Variants in LANCL2 observed in about 807,000 individuals in gnomAD.
The protein encoded by LANCL2 is LanC like glutathione S-transferase 2, also known as lanC-like protein 2.
Under a neutral mutation model 56.9 loss-of-function variants are expected in LANCL2, and 33 were observed. That is an observed-to-expected ratio of 0.58 (90% CI 0.44 to 0.78). The LOEUF is 0.78. Ranked by LOEUF, LANCL2 falls within the 30% of genes least tolerant of loss-of-function variation. The probability of loss-of-function intolerance (pLI) is 0.00; values close to 1 mark genes in which losing one functional copy is unlikely to be tolerated. For missense variants in LANCL2, 562 were observed against 580.2 expected (o/e 0.97, Z 0.32); for synonymous variants, 233 against 228.2 (o/e 1.02, Z -0.19).
intron 1 of LANCL2, among the ~76,000 whole-genome samples, chr7:55,371,413 A>G (rs190029905): frequency 2.0e-3 from 301 of 152,288 alleles, no homozygotes; most frequent in African/African-American, 6.8e-3. Flanking sequence ...TTGTAGAGAC[A>G]GGGTTTTACC....
chr7:55,392,765 C>CT (rs937665632), intron 2 of LANCL2, among the ~76,000 whole-genome samples: 8 of 151,712 alleles, frequency 5.3e-5, no homozygotes, highest in Non-Finnish European at 1.0e-4. Context: ...TCTAGTGTGT[C>CT]TTTTTTTTAT....
intron 1 of LANCL2, among the ~76,000 whole-genome samples, chr7:55,387,909 T>TAAAAC (rs1583748013): frequency 1.3e-5 from 2 of 152,290 alleles, no homozygotes; most frequent in South Asian, 4.1e-4. Flanking sequence ...TTTCCTTTTC[T>TAAAAC]TCTTTAACTT....
At chr7:55,411,874 A>G in intron 5 of LANCL2, 33 bp from the exon 6 acceptor site, 1 of 1,584,700 alleles carries the variant, frequency 6.3e-7, no homozygotes, top group Non-Finnish European at 8.6e-7. Flanking sequence ...CTTCAGAGAA[A>G]ATAATTTGTG....
rs12538676 is a variant in LANCL2, at chr7:55,387,038, T to C, written c.205-4755T>C. On this transcript the variant is annotated intron_variant, in intron 1 of 8. Coordinates refer to ENST00000254770, the MANE Select transcript of LANCL2 (RefSeq NM_018697.4). Reference sequence around the variant, plus strand: ...ACTGATGAACTCTAGAAGATAAAAGTTTGGGTTTTTTTTAAAGCCAGTTAC... The same window carrying C: ...ACTGATGAACTCTAGAAGATAAAAGCTTGGGTTTTTTTTAAAGCCAGTTAC... 3.3e-5 allele frequency among the ~76,000 whole-genome samples: 5 copies of C among 152,136 alleles called. 1 individual carries two copies. Among genetic ancestry groups the C allele is most frequent in the Admixed American group, 3.3e-4 (5 of 15,268 alleles).
At chr7:55,398,244 C>G (rs148801369) in intron 2 of LANCL2, among the ~76,000 whole-genome samples, 179 bp from the exon 3 acceptor site, 61 of 152,096 alleles carry the variant, frequency 4.0e-4, no homozygotes, top group African/African-American at 1.4e-3. Context: ...ATTTCTCTGT[C>G]TTGGTTTTAT....
At chr7:55,405,315 A>T (rs1442912854) in intron 5 of LANCL2, among the ~76,000 whole-genome samples, 1 of 152,076 alleles carries the variant, frequency 6.6e-6, no homozygotes, top group Non-Finnish European at 1.5e-5. Flanking sequence ...GATGAGGTGC[A>T]CCCACTTTGG....
At position 55,431,340 on chromosome 7, in the gene LANCL2, A is replaced by G. The variant is rs1454605267; in HGVS notation, c.*20A>G. The G allele has an allele frequency of 6.3e-7, 1 of 1,586,062 alleles. No homozygotes were observed. The highest frequency in any genetic ancestry group is 8.6e-7 in the Non-Finnish European group (1 of 1,159,354). The stretch of plus-strand genomic sequence containing the variant: ...GATTAAAAGGTGCAAAAAGACAACT[A>G]AAATACCCATTTGGACCAAAAGCCA... On this transcript the variant is annotated 3_prime_UTR_variant, in exon 9 of 9. Transcript: ENST00000254770.
chr7:55,396,641 T>G (rs934628810), intron 2 of LANCL2, among the ~76,000 whole-genome samples: 1 of 152,154 alleles, frequency 6.6e-6, no homozygotes, highest in Non-Finnish European at 1.5e-5. Context: ...AAGGGCCTGT[T>G]CATTCCAGCT....
intron 7 of LANCL2, among the ~76,000 whole-genome samples, chr7:55,427,071 T>TC (rs1790672024): frequency 6.6e-6 from 1 of 152,162 alleles, no homozygotes; most frequent in Admixed American, 6.5e-5. Context: ...TGTTCCTGAC[T>TC]CCGTAAGCAC....
intron 6 of LANCL2, among the ~76,000 whole-genome samples, chr7:55,420,390 AT>A (rs1390515037): frequency 6.6e-6 from 1 of 152,118 alleles, no homozygotes; most frequent in African/African-American, 2.4e-5. Context: ...TCGATTTCTG[AT>A]TTAATTCCAT....
At chr7:55,380,354 AG>A (rs35723122) in intron 1 of LANCL2, among the ~76,000 whole-genome samples, 1,810 of 151,984 alleles carry the variant, frequency 0.012, 39 homozygotes, top group African/African-American at 0.04. Flanking sequence ...ACAAGGATGG[AG>A]GTTTTATGGT....
chr7:55,396,475 GA>G (rs2128993234), intron 2 of LANCL2, among the ~76,000 whole-genome samples: 1 of 152,356 alleles, frequency 6.6e-6, no homozygotes, highest in African/African-American at 2.4e-5. Flanking sequence ...TTGGGGAAGG[GA>G]GATGATCAGC....
At chr7:55,405,754 A>G (rs2128994496) in intron 5 of LANCL2, among the ~76,000 whole-genome samples, 1 of 152,162 alleles carries the variant, frequency 6.6e-6, no homozygotes, top group East Asian at 1.9e-4. Flanking sequence ...GCTGTATATT[A>G]TGGACTTCCT....
intron 1 of LANCL2, among the ~76,000 whole-genome samples, chr7:55,369,694 G>GACC (rs1417448182): frequency 7.4e-6 from 1 of 135,508 alleles, no homozygotes; most frequent in Non-Finnish European, 1.7e-5. Context: ...TAATGTCTTT[G>GACC]ACCAGCAGCA....
intron 6 of LANCL2, among the ~76,000 whole-genome samples, chr7:55,423,865 G>A (rs887536283): frequency 1.3e-5 from 2 of 152,232 alleles, no homozygotes; most frequent in East Asian, 3.8e-4. Context: ...GATAGAGGGT[G>A]TCCTGCGTCT....
rs546854143 is a variant in LANCL2 at position 55,420,635 on chromosome 7, A to T, written c.1009-4619A>T. Among the ~76,000 whole-genome samples the T allele has an allele frequency of 7.2e-5, 11 of 152,354 alleles. No individual in the cohort carries two copies. The South Asian group carries it at 2.3e-3, about 32-fold the overall frequency. Reference sequence around the variant, plus strand: ...TAATGACCCAGATAGTAAATATTTTAGGCTTGTGGTCCATGCAGTTTCTGC... The same window carrying T: ...TAATGACCCAGATAGTAAATATTTTTGGCTTGTGGTCCATGCAGTTTCTGC... On this transcript the variant is annotated intron_variant, in intron 6 of 8. Transcript: ENST00000254770.
intron 8 of LANCL2, among the ~76,000 whole-genome samples, chr7:55,428,857 A>G (rs1440725933): frequency 2.0e-5 from 3 of 152,214 alleles, no homozygotes; most frequent in African/African-American, 7.2e-5. Flanking sequence ...GCAATTAGAA[A>G]TATTAGTAAG....
Position 55,431,664 on chromosome 7 carries a change from A to G in LANCL2, c.*344A>G, listed in dbSNP as rs1431153180. The G allele has an allele frequency of 1.2e-4, 23 of 196,874 alleles. No homozygotes were observed. The East Asian group carries it at 2.9e-3, about 25-fold the overall frequency. The allele number at this position is 196,874 out of a possible 1,614,324, so 12.2% of individuals were successfully genotyped here. On this transcript the variant is annotated 3_prime_UTR_variant, in exon 9 of 9. Coordinates refer to ENST00000254770, the MANE Select transcript of LANCL2 (RefSeq NM_018697.4). ...TGTATGGCAGTGTCCACTTTTCTGT[A>G]TAAAATGTATAAAGTGGGGTTTCTT...
At chr7:55,416,969 GTTTTTT>G (rs869116156) in intron 6 of LANCL2, among the ~76,000 whole-genome samples, 1 of 81,648 alleles carries the variant, frequency 1.2e-5, no homozygotes, top group South Asian at 3.5e-4. Context: ...AAACGAGGTG[GTTTTTT>G]TTTTTTTTTT....
Sources: gnomAD v4.1 joint callset for allele counts (sites outside exome capture counted in the v4.1 genomes callset) on GRCh38, gnomAD v4.1.1 for gene constraint, MANE v1.5 for transcripts, NCBI Gene and HGNC (gene_info 2026-07-23, HGNC 2026-07-21) for gene names.